STAMBPL1: variants seen among roughly 807,000 people sequenced by gnomAD.
STAMBPL1 encodes the protein STAM binding protein like 1, also known as AMSH-like protease.
A neutral mutation model predicts 52.9 loss-of-function variants in STAMBPL1; 44 were observed. The observed-to-expected ratio is 0.83, with a 90% CI of 0.65 to 1.07. STAMBPL1 has a LOEUF of 1.07. Ranked by LOEUF, STAMBPL1 falls within the 50% of genes least tolerant of loss-of-function variation. STAMBPL1 has a pLI of 0.00. For missense variants in STAMBPL1, 511 were observed against 520.8 expected (o/e 0.98, Z 0.18); for synonymous variants, 164 against 177.3 (o/e 0.92, Z 0.60).
intron 2 of STAMBPL1, among the ~76,000 whole-genome samples, chr10:88,903,132 G>T (rs1347996566): frequency 6.6e-6 from 1 of 152,068 alleles, no homozygotes; most frequent in Non-Finnish European, 1.5e-5. Context: ...GAACACAAAG[G>T]CTTTTTATCT....
rs766187957 is a variant in STAMBPL1, at chr10:88,905,561, G to A, written c.149G>A (p.Arg50His). ...ATCAGTGAAGACATCACTCCACGAC[G>A]TTACTTTAGGTCTGGAGTAGAGATG... Reference protein sequence around the residue: ...ITISEDITPRRYFRSGVEMER... With the variant: ...ITISEDITPRHYFRSGVEMER... Residue 50 changes from arginine (R) to histidine (H), a missense_variant, in exon 3 of 11, where the codon CGT becomes CAT. Coordinates refer to ENST00000371926, the MANE Select transcript of STAMBPL1 (RefSeq NM_020799.4). The A allele has an allele frequency of 1.2e-6, 2 of 1,614,068 alleles. No homozygotes were observed. Among genetic ancestry groups the A allele is most frequent in the African/African-American group, 1.3e-5 (1 of 75,012 alleles).
intron 2 of STAMBPL1, 70 bp from the exon 3 acceptor site, chr10:88,905,373 C>A: frequency 8.4e-7 from 1 of 1,190,570 alleles, no homozygotes; most frequent in South Asian, 1.2e-5. Context: ...AACATATGTC[C>A]ATAATATTAG....
chr10:88,880,751 C>G (rs991027823), intron 1 of STAMBPL1, 113 bp downstream of exon 1: 1 of 152,228 alleles, frequency 6.6e-6, no homozygotes, highest in Admixed American at 6.5e-5. Flanking sequence ...CTGGCAGCGT[C>G]CGGTCCCGGG....
At chr10:88,882,222 T>C (rs1844423506) in intron 1 of STAMBPL1, 1 of 152,230 alleles carries the variant, frequency 6.6e-6, no homozygotes. Context: ...CTTGGTACTC[T>C]TGCCCTGTTT....
At chr10:88,901,578 G>C in intron 1 of STAMBPL1, 78 bp from the exon 2 acceptor site, 1 of 768,578 alleles carries the variant, frequency 1.3e-6, no homozygotes, top group East Asian at 2.7e-5. Context: ...GTCTGAGGCA[G>C]AGATAACCCT....
intron 4 of STAMBPL1, among the ~76,000 whole-genome samples, chr10:88,909,690 C>T (rs1371061758): frequency 1.3e-5 from 2 of 152,146 alleles, no homozygotes; most frequent in Non-Finnish European, 1.5e-5. Flanking sequence ...CAACCCCCGC[C>T]TCCTGGGTTC....
chr10:88,899,298 A>G (rs1844886806), intron 1 of STAMBPL1, among the ~76,000 whole-genome samples: 1 of 152,198 alleles, frequency 6.6e-6, no homozygotes, highest in African/African-American at 2.4e-5. Context: ...TGACTGGGCC[A>G]TATCTGACAA....
At chr10:88,918,868 C>T (rs748844429) in intron 8 of STAMBPL1, among the ~76,000 whole-genome samples, 2 of 152,082 alleles carry the variant, frequency 1.3e-5, no homozygotes, top group African/African-American at 2.4e-5. Flanking sequence ...TATGACCTAC[C>T]GTGGACATAA....
At chr10:88,908,344 C>T (rs923339406) in intron 3 of STAMBPL1, among the ~76,000 whole-genome samples, 4 of 151,934 alleles carry the variant, frequency 2.6e-5, no homozygotes, top group African/African-American at 4.8e-5. Context: ...ATCACTCTTT[C>T]CATGCTCTGA....
chr10:88,912,022 G>A (rs115122091), intron 5 of STAMBPL1, among the ~76,000 whole-genome samples: 1,766 of 152,190 alleles, frequency 0.012, 39 homozygotes, highest in African/African-American at 0.039. Context: ...TTTTGCCTTT[G>A]ATACCAGTCA....
At chr10:88,902,601 G>A (rs1021015740) in intron 2 of STAMBPL1, among the ~76,000 whole-genome samples, 3 of 151,546 alleles carry the variant, frequency 2.0e-5, no homozygotes, top group Admixed American at 6.6e-5. Context: ...GCGGAGTCTC[G>A]CTCTGTCACT....
intron 7 of STAMBPL1, among the ~76,000 whole-genome samples, chr10:88,915,675 C>T (rs1288130276): frequency 6.6e-6 from 1 of 152,180 alleles, no homozygotes; most frequent in Non-Finnish European, 1.5e-5. Context: ...GTCCCTGCCT[C>T]ACGATGCTTA....
At chr10:88,892,347 C>T (rs868500030) in intron 1 of STAMBPL1, among the ~76,000 whole-genome samples, 5 of 113,386 alleles carry the variant, frequency 4.4e-5, no homozygotes, top group East Asian at 9.7e-4. Context: ...TGTGTGTGTG[C>T]GTGTGCGTGT....
intron 7 of STAMBPL1, 99 bp from the exon 8 acceptor site, chr10:88,916,581 T>G (rs1169830404): frequency 9.2e-7 from 1 of 1,092,540 alleles, no homozygotes; most frequent in East Asian, 4.3e-5. Context: ...CACACCCCCC[T>G]GCTGGGGGAC....
At chr10:88,920,120 G>A (rs114752785) in intron 8 of STAMBPL1, among the ~76,000 whole-genome samples, 495 of 152,094 alleles carry the variant, frequency 3.3e-3, no homozygotes, top group African/African-American at 0.011. Context: ...CAAAGTGTTG[G>A]GATTACAGGC....
At chr10:88,886,491 A>G (rs1844536487) in intron 1 of STAMBPL1, among the ~76,000 whole-genome samples, 1 of 152,238 alleles carries the variant, frequency 6.6e-6, no homozygotes, top group Admixed American at 6.5e-5. Flanking sequence ...ATTTGATTAA[A>G]GATGAAAGAA....
At chr10:88,904,998 T>G (rs916530469) in intron 2 of STAMBPL1, among the ~76,000 whole-genome samples, 10 of 152,128 alleles carry the variant, frequency 6.6e-5, no homozygotes, top group African/African-American at 2.4e-4. Context: ...AATTGAATCT[T>G]TATAGTAACT....
At chr10:88,918,700 T>A (rs533697221) in intron 8 of STAMBPL1, among the ~76,000 whole-genome samples, 1 of 152,324 alleles carries the variant, frequency 6.6e-6, no homozygotes, top group Non-Finnish European at 1.5e-5. Context: ...AAGAATGCCT[T>A]ATTTAGCGTA....
At chr10:88,889,317 A>G (rs1200048015) in intron 1 of STAMBPL1, among the ~76,000 whole-genome samples, 1 of 152,186 alleles carries the variant, frequency 6.6e-6, no homozygotes, top group Non-Finnish European at 1.5e-5. Context: ...ATTTTTTTCA[A>G]TCCTCATCCA....
Sources: gnomAD v4.1 joint callset for allele counts (sites outside exome capture counted in the v4.1 genomes callset) on GRCh38, gnomAD v4.1.1 for gene constraint, MANE v1.5 for transcripts, NCBI Gene and HGNC (gene_info 2026-07-23, HGNC 2026-07-21) for gene names.